The following MPPED2 variants were observed in gnomAD, a reference collection of about 807,000 sequenced individuals.
MPPED2 encodes the protein metallophosphoesterase MPPED2.
In MPPED2, 5 loss-of-function variants were observed where a neutral mutation model predicts 33.0. The ratio of observed to expected loss-of-function variants is 0.15; its 90% CI spans 0.08 to 0.32. MPPED2 has a LOEUF of 0.32. Among genes scored for constraint, MPPED2 ranks in the 10% least tolerant of loss-of-function variants. The probability of loss-of-function intolerance (pLI) is 1.00; values close to 1 mark genes in which losing one functional copy is unlikely to be tolerated. For synonymous variants in MPPED2, 136 were observed against 141.9 expected (o/e 0.96, Z 0.29); for missense variants, 275 against 372.1 (o/e 0.74, Z 2.15).
At chr11:30,474,204 T>TCAC (rs1157910415) in intron 4 of MPPED2, among the ~76,000 whole-genome samples, 6 of 152,198 alleles carry the variant, frequency 3.9e-5, no homozygotes, top group African/African-American at 1.4e-4. Flanking sequence ...CAATTCATCA[T>TCAC]CACCACCACC....
chr11:30,526,860 A>C (rs1374693044), intron 3 of MPPED2, among the ~76,000 whole-genome samples: 1 of 151,946 alleles, frequency 6.6e-6, no homozygotes, highest in East Asian at 1.9e-4. Context: ...TACTAGAGAA[A>C]AGTTGCCAGG....
intron 3 of MPPED2, among the ~76,000 whole-genome samples, chr11:30,520,265 C>T (rs1487831269): frequency 6.6e-6 from 1 of 152,108 alleles, no homozygotes; most frequent in Non-Finnish European, 1.5e-5. Context: ...ACAAAACTTG[C>T]TGCAATAACA....
At chr11:30,567,489 G>C (rs1207183144) in intron 2 of MPPED2, among the ~76,000 whole-genome samples, 1 of 151,856 alleles carries the variant, frequency 6.6e-6, no homozygotes, top group African/African-American at 2.4e-5. Context: ...AGCAATCAGG[G>C]GGTGCTTTTT....
chr11:30,535,529 A>G (rs537303241), intron 3 of MPPED2, among the ~76,000 whole-genome samples: 71 of 152,308 alleles, frequency 4.7e-4, no homozygotes, highest in Non-Finnish European at 5.7e-4. Flanking sequence ...ATCCGCTCCC[A>G]AGCAGCACTG....
At chr11:30,520,187 T>C (rs2072660786) in intron 3 of MPPED2, among the ~76,000 whole-genome samples, 1 of 152,182 alleles carries the variant, frequency 6.6e-6, no homozygotes, top group African/African-American at 2.4e-5. Context: ...TTTCCTGCTC[T>C]TAAAATTTGA....
intron 4 of MPPED2, among the ~76,000 whole-genome samples, chr11:30,448,081 T>G (rs1413983277): frequency 6.6e-6 from 1 of 152,130 alleles, no homozygotes; most frequent in East Asian, 1.9e-4. Flanking sequence ...GTTGTCACCA[T>G]TTACTATACA....
At chr11:30,518,839 C>CAA (rs766219186) in intron 3 of MPPED2, among the ~76,000 whole-genome samples, 42 of 152,128 alleles carry the variant, frequency 2.8e-4, no homozygotes, top group Admixed American at 6.6e-4. Flanking sequence ...TTTCAAAGGA[C>CAA]AAAATCTCCA....
At chr11:30,542,272 A>T (rs1955162882) in intron 2 of MPPED2, among the ~76,000 whole-genome samples, 1 of 152,122 alleles carries the variant, frequency 6.6e-6, no homozygotes, top group Admixed American at 6.5e-5. Flanking sequence ...CTTTGAAGTC[A>T]TCAGTCAGAT....
At chr11:30,537,652 C>T (rs34034578) in intron 2 of MPPED2, among the ~76,000 whole-genome samples, 11,707 of 151,960 alleles carry the variant, frequency 0.077, 581 homozygotes, top group Non-Finnish European at 0.11. Context: ...GTAAGAGGAG[C>T]AAGAAGGAAG....
At chr11:30,508,445 T>C (rs1169593449) in intron 3 of MPPED2, among the ~76,000 whole-genome samples, 1 of 152,200 alleles carries the variant, frequency 6.6e-6, no homozygotes, top group African/African-American at 2.4e-5. Flanking sequence ...TTTGGTTTGC[T>C]TCTTTTATGG....
At chr11:30,420,622 C>T (rs1226507870) in intron 4 of MPPED2, among the ~76,000 whole-genome samples, 4 of 152,144 alleles carry the variant, frequency 2.6e-5, no homozygotes, top group Admixed American at 6.5e-5. Flanking sequence ...ACAGCCACAC[C>T]GCCTTGCTCA....
chr11:30,471,801 TAA>T (rs1275886374), intron 4 of MPPED2, among the ~76,000 whole-genome samples: 1 of 152,186 alleles, frequency 6.6e-6, no homozygotes, highest in Non-Finnish European at 1.5e-5. Flanking sequence ...GACACAGGAA[TAA>T]GTTTCTACCA....
chr11:30,436,048 ATCT>A (rs1381912779), intron 4 of MPPED2, among the ~76,000 whole-genome samples: 9 of 125,096 alleles, frequency 7.2e-5, no homozygotes, highest in Non-Finnish European at 1.0e-4. Context: ...AAAGTTTAGC[ATCT>A]TTTTTTTTTT....
At chr11:30,566,072 C>T (rs1344938170) in intron 2 of MPPED2, among the ~76,000 whole-genome samples, 3 of 151,996 alleles carry the variant, frequency 2.0e-5, no homozygotes, top group Non-Finnish European at 2.9e-5. Context: ...AACTGGTTCG[C>T]CTTATTCAAA....
chr11:30,447,885 T>C (rs999686143), intron 4 of MPPED2, among the ~76,000 whole-genome samples: 2 of 152,172 alleles, frequency 1.3e-5, no homozygotes, highest in Admixed American at 1.3e-4. Flanking sequence ...GTACTACATT[T>C]ATGATCTTAG....
intron 3 of MPPED2, among the ~76,000 whole-genome samples, chr11:30,508,435 T>A (rs1328384805): frequency 6.6e-6 from 1 of 152,182 alleles, no homozygotes; most frequent in Non-Finnish European, 1.5e-5. Flanking sequence ...TCCCCTACTT[T>A]TTGGTTTGCT....
chr11:30,551,024 T>C (rs1955686177), intron 2 of MPPED2, among the ~76,000 whole-genome samples: 1 of 152,204 alleles, frequency 6.6e-6, no homozygotes, highest in Non-Finnish European at 1.5e-5. Flanking sequence ...AGTTGACTCA[T>C]ACATAATTTC....
At chr11:30,562,451 T>A (rs1031768287) in intron 2 of MPPED2, among the ~76,000 whole-genome samples, 1 of 152,164 alleles carries the variant, frequency 6.6e-6, no homozygotes, top group African/African-American at 2.4e-5. Flanking sequence ...ACGGGAAGCC[T>A]ACCTTCTTTC....
intron 3 of MPPED2, among the ~76,000 whole-genome samples, chr11:30,506,606 A>G (rs1056911427): frequency 1.3e-5 from 2 of 152,220 alleles, no homozygotes; most frequent in African/African-American, 4.8e-5. Flanking sequence ...CTACTGAATA[A>G]CTAGAGGAAC....
Sources: gnomAD v4.1 joint callset for allele counts (sites outside exome capture counted in the v4.1 genomes callset) on GRCh38, gnomAD v4.1.1 for gene constraint, MANE v1.5 for transcripts, NCBI Gene and HGNC (gene_info 2026-07-23, HGNC 2026-07-21) for gene names.